MAGI2: variants seen among roughly 807,000 people sequenced by gnomAD.
MAGI2 encodes the protein membrane associated guanylate kinase, WW and PDZ domain containing 2.
A neutral mutation model predicts 133.3 loss-of-function variants in MAGI2; 35 were observed. The ratio of observed to expected loss-of-function variants is 0.26; its 90% confidence interval spans 0.20 to 0.35. The LOEUF is 0.35. Among genes scored for constraint, MAGI2 ranks in the 10% least tolerant of loss-of-function variants. The probability of loss-of-function intolerance (pLI) is 1.00; values close to 1 mark genes in which losing one functional copy is unlikely to be tolerated. For missense variants in MAGI2, 1,636 were observed against 1,863.4 expected (o/e 0.88, Z 2.25); for synonymous variants, 729 against 710.6 (o/e 1.03, Z -0.41).
At chr7:79,143,388 A>G (rs1007320424) in intron 1 of MAGI2, among the ~76,000 whole-genome samples, 6 of 152,236 alleles carry the variant, frequency 3.9e-5, no homozygotes, top group Non-Finnish European at 7.3e-5. Flanking sequence ...ATGCAAACAC[A>G]GGTTTGTTGT....
intron 9 of MAGI2, among the ~76,000 whole-genome samples, chr7:78,321,791 G>A (rs527477874): frequency 6.6e-6 from 1 of 152,244 alleles, no homozygotes; most frequent in South Asian, 2.1e-4. Flanking sequence ...AAACTAAAGA[G>A]CTTCTGCACT....
chr7:78,898,780 T>C (rs1323093376), intron 2 of MAGI2, among the ~76,000 whole-genome samples: 2 of 152,190 alleles, frequency 1.3e-5, no homozygotes, highest in Admixed American at 6.5e-5. Context: ...ATACCAAACC[T>C]GCACATGTAC....
At chr7:78,942,264 C>G (rs1056475103) in intron 2 of MAGI2, among the ~76,000 whole-genome samples, 14 of 151,946 alleles carry the variant, frequency 9.2e-5, no homozygotes, top group Non-Finnish European at 1.9e-4. Flanking sequence ...TTTGACTCTC[C>G]CTACTTCCTG....
At chr7:78,278,635 A>G (rs1400732789) in intron 9 of MAGI2, among the ~76,000 whole-genome samples, 2 of 152,180 alleles carry the variant, frequency 1.3e-5, no homozygotes, top group East Asian at 1.9e-4. Flanking sequence ...AACATCTACA[A>G]TTAACTGACT....
intron 10 of MAGI2, among the ~76,000 whole-genome samples, chr7:78,214,599 C>G (rs957968324): frequency 6.6e-6 from 1 of 152,148 alleles, no homozygotes; most frequent in African/African-American, 2.4e-5. Flanking sequence ...AAATCTAGAT[C>G]TTTTACTTTT....
At chr7:79,150,542 G>C (rs1451490479) in intron 1 of MAGI2, among the ~76,000 whole-genome samples, 1 of 152,110 alleles carries the variant, frequency 6.6e-6, no homozygotes, top group Non-Finnish European at 1.5e-5. Context: ...CTGTATAAAA[G>C]AGAACTTTAT....
intron 6 of MAGI2, among the ~76,000 whole-genome samples, chr7:78,384,572 T>C (rs1795212652): frequency 6.6e-6 from 1 of 152,178 alleles, no homozygotes; most frequent in African/African-American, 2.4e-5. Context: ...CATTTATCAA[T>C]TGAATGTTTT....
intron 16 of MAGI2, among the ~76,000 whole-genome samples, chr7:78,141,644 T>A (rs980667270): frequency 6.6e-6 from 1 of 152,218 alleles, no homozygotes; most frequent in African/African-American, 2.4e-5. Flanking sequence ...CCAACTGATA[T>A]GCAAAACCCA....
At chr7:78,226,343 C>G (rs2868867) in intron 10 of MAGI2, among the ~76,000 whole-genome samples, 100,039 of 150,164 alleles carry the variant, frequency 0.67, 36,859 homozygotes, top group Non-Finnish European at 0.82. Context: ...AAAAAAGTGG[C>G]CAGCAGGAAC....
At chr7:79,069,393 C>G (rs1272561437) in intron 1 of MAGI2, among the ~76,000 whole-genome samples, 1 of 152,152 alleles carries the variant, frequency 6.6e-6, no homozygotes, top group Non-Finnish European at 1.5e-5. Context: ...GGTTTAAAGT[C>G]TGTTTTATCA....
chr7:79,399,079 C>CTTTTCTTGTTTTTTTTT (rs1585840184), intron 1 of MAGI2, among the ~76,000 whole-genome samples: 1 of 114,612 alleles, frequency 8.7e-6, no homozygotes, highest in African/African-American at 3.7e-5. Flanking sequence ...AGTATTATTT[C>CTTTTCTTGTTTTTTTTT]TTTTTTTTTT....
In MAGI2 at chr7:78,187,369, G is replaced by A. The variant is rs1415264091; in HGVS notation, c.2270-1699C>T. On this transcript the variant is annotated intron_variant, in intron 12 of 21. Transcript: ENST00000354212. ...TTATTCCTTAAGAGCATTTACAGAG[G>A]AGGCAACTTACAGTTTTGAAAGGCA... Among the ~76,000 whole-genome samples the A allele has an allele frequency of 2.6e-5, 4 of 152,112 alleles. No individual in the cohort carries two copies. The East Asian group carries it at 7.7e-4, about 29-fold the overall frequency.
intron 21 of MAGI2, among the ~76,000 whole-genome samples, chr7:78,026,481 T>A (rs1221832939): frequency 6.6e-6 from 1 of 152,252 alleles, no homozygotes; most frequent in African/African-American, 2.4e-5. Flanking sequence ...AAAGGAGAGT[T>A]AATTTTATCC....
At chr7:78,160,004 C>G (rs374704347) in intron 16 of MAGI2, 21 bp downstream of exon 16, 11 of 1,528,606 alleles carry the variant, frequency 7.2e-6, no homozygotes, top group East Asian at 6.9e-5. Context: ...TATTCAAATG[C>G]AGGCAAATTT....
rs1798468270 is a variant in MAGI2, at chr7:78,418,144, A to C, written c.1046-48931T>G. On this transcript the variant is annotated intron_variant, in intron 6 of 21. Transcript: ENST00000354212. ...ATTCCAGTCTGGGCGACAGAGTGAG[A>C]GCTCATCTCTAAAAATGCAGAAAAA... 2.0e-5 allele frequency among the ~76,000 whole-genome samples: 3 copies of C among 152,182 alleles called. No individual in the cohort carries two copies. The South Asian group carries it at 6.2e-4, about 31-fold the overall frequency.
intron 3 of MAGI2, among the ~76,000 whole-genome samples, chr7:78,539,908 C>T (rs1798264407): frequency 6.6e-6 from 1 of 152,174 alleles, no homozygotes; most frequent in Admixed American, 6.5e-5. Context: ...GACTCAGGGC[C>T]TCGGGTTCGC....
intron 1 of MAGI2, among the ~76,000 whole-genome samples, chr7:79,260,696 G>A (rs536822970): frequency 5.8e-4 from 89 of 152,162 alleles, no homozygotes; most frequent in Non-Finnish European, 9.7e-4. Flanking sequence ...TTTATTTCAC[G>A]CACGAAAGTA....
intron 1 of MAGI2, among the ~76,000 whole-genome samples, chr7:79,151,597 T>A (rs1053127514): frequency 7.0e-6 from 1 of 142,950 alleles, no homozygotes; most frequent in Non-Finnish European, 1.5e-5. Flanking sequence ...AAATACCCCC[T>A]GGACATTGAA....
intron 2 of MAGI2, among the ~76,000 whole-genome samples, chr7:78,871,098 C>T (rs1191328866): frequency 2.6e-5 from 4 of 152,086 alleles, no homozygotes; most frequent in African/African-American, 9.7e-5. Flanking sequence ...ATCATGAGGT[C>T]AGGAGATCGA....
Sources: gnomAD v4.1 joint callset for allele counts (sites outside exome capture counted in the v4.1 genomes callset) on GRCh38, gnomAD v4.1.1 for gene constraint, MANE v1.5 for transcripts, NCBI Gene and HGNC (gene_info 2026-07-23, HGNC 2026-07-21) for gene names.